Variants in SNX15 observed in about 807,000 individuals in gnomAD.
The protein encoded by SNX15 is sorting nexin 15.
In SNX15, 29 loss-of-function variants were observed where a neutral mutation model predicts 35.2. The ratio of observed to expected loss-of-function variants is 0.82; its 90% CI spans 0.61 to 1.12. The LOEUF (loss-of-function observed/expected upper bound fraction) is 1.12. SNX15 is among the 50% of genes most tolerant of loss of function. The pLI, the probability that SNX15 is intolerant of heterozygous loss-of-function variation, is 0.00. For missense variants in SNX15, 400 were observed against 451.5 expected (o/e 0.89, Z 1.03); for synonymous variants, 189 against 188.2 (o/e 1.00, Z -0.03).
At position 65,034,899 on chromosome 11, in the gene SNX15, G is replaced by T; in HGVS notation, c.309G>T (p.Leu103=). The T allele has an allele frequency of 6.2e-7, 1 of 1,614,072 alleles. No individual in the cohort carries two copies. Among genetic ancestry groups the T allele is most frequent in the Non-Finnish European group, 8.5e-7 (1 of 1,179,964 alleles). ...IEERRKGAED[L]LRFTVHIPAL... The stretch of plus-strand genomic sequence containing the variant: ...AGCGGCGAAAGGGGGCAGAGGACCT[G>T]CTTCGCTTCACTGTGCACATACCTG... Residue 103 remains leucine, a synonymous_variant, in exon 4 of 8, where the codon CTG becomes CTT. Coordinates refer to ENST00000377244, the MANE Select transcript of SNX15 (RefSeq NM_013306.5).
At chr11:65,038,977 T>C in intron 7 of SNX15, 148 bp downstream of exon 7, 1 of 500,570 alleles carries the variant, frequency 2.0e-6, no homozygotes, top group Non-Finnish European at 3.2e-6. Flanking sequence ...TTGTTTCTGT[T>C]TTTTTGTTGT....
intron 1 of SNX15, among the ~76,000 whole-genome samples, chr11:65,030,003 T>G (rs1008651338): frequency 6.6e-6 from 1 of 152,188 alleles, no homozygotes; most frequent in African/African-American, 2.4e-5. Flanking sequence ...TCCTCTTGCC[T>G]CAGCCTCCTG....
rs1229476238 is a variant in SNX15 at position 65,032,426 on chromosome 11, C to T, written c.136-5C>T. On this transcript the variant is annotated splice_region_variant and splice_polypyrimidine_tract_variant and intron_variant, in intron 2 of 7. Coordinates refer to ENST00000377244, the MANE Select transcript of SNX15 (RefSeq NM_013306.5). ...GGTTCTGGGCAAGTCTCATGTACCTCATAGGTGGTGGTCTGGAAGCGGTAC... is the reference window on the plus strand; with the variant it reads ...GGTTCTGGGCAAGTCTCATGTACCTTATAGGTGGTGGTCTGGAAGCGGTAC... 1.2e-6 allele frequency: 2 copies of T among 1,614,032 alleles called. No homozygotes were observed. The highest frequency in any genetic ancestry group is 1.3e-5 in the African/African-American group (1 of 74,936).
rs1176873699 is a variant in SNX15, at chr11:65,040,363, C to T, written c.*571C>T. 3.3e-5 allele frequency: 5 copies of T among 152,234 alleles called. No individual in the cohort carries two copies. Among genetic ancestry groups the T allele is most frequent in the Non-Finnish European group, 5.9e-5 (4 of 68,090 alleles). 9.4% of individuals were successfully genotyped at this position (152,234 alleles called of 1,614,324 possible). On this transcript the variant is annotated 3_prime_UTR_variant, in exon 8 of 8. Coordinates refer to ENST00000377244, the MANE Select transcript of SNX15 (RefSeq NM_013306.5). Reference sequence around the variant, plus strand: ...TGGTCATTAAACCATTAGTTTACCCCTCTAGAACTGGGGTCTGCAAACTCC... The same window carrying T: ...TGGTCATTAAACCATTAGTTTACCCTTCTAGAACTGGGGTCTGCAAACTCC...
Position 65,027,653 on chromosome 11 carries a change from C to G in SNX15, c.99+17C>G. 1.9e-6 allele frequency: 3 copies of G among 1,593,142 alleles called. No homozygotes were observed. Among genetic ancestry groups the G allele is most frequent in the Non-Finnish European group, 2.6e-6 (3 of 1,161,060 alleles). On this transcript the variant is annotated intron_variant, in intron 1 of 7. Coordinates refer to ENST00000377244, the MANE Select transcript of SNX15 (RefSeq NM_013306.5). ...ACCGCGCAGGTGAGGTGGGGCCCAG[C>G]GCGTACTTTACCCTTTTAACTAGAG...
chr11:65,038,431 G>A (rs1278643522), intron 6 of SNX15, 141 bp from the exon 7 acceptor site: 5 of 1,211,886 alleles, frequency 4.1e-6, no homozygotes, highest in East Asian at 2.9e-5. Context: ...ATCCACAGAC[G>A]ACTTCTGGAT....
At position 65,039,955 on chromosome 11, in the gene SNX15, A is replaced by G; in HGVS notation, c.*163A>G. 1 of 561,480 alleles carries G rather than the reference A, an allele frequency of 1.8e-6. No homozygotes were observed. Among genetic ancestry groups the G allele is most frequent in the Admixed American group, 3.1e-5 (1 of 32,636 alleles). 34.8% of individuals were successfully genotyped at this position (561,480 alleles called of 1,614,324 possible). A position where few individuals can be genotyped will look rare whatever the true frequency, so the allele number is the denominator to read the frequency against. ...ATAATGAATTCTTAGCTCCCTGATTACACCTGCCACCTTGGAATCAAGGAC... is the reference window on the plus strand; with the variant it reads ...ATAATGAATTCTTAGCTCCCTGATTGCACCTGCCACCTTGGAATCAAGGAC... On this transcript the variant is annotated 3_prime_UTR_variant, in exon 8 of 8. Coordinates refer to ENST00000377244, the MANE Select transcript of SNX15 (RefSeq NM_013306.5).
In SNX15 at chr11:65,039,916, C is replaced by A. The variant is rs1319685807; in HGVS notation, c.*124C>A. The A allele has an allele frequency of 5.0e-6, 3 of 603,344 alleles. No individual in the cohort carries two copies. Among genetic ancestry groups the A allele is most frequent in the Non-Finnish European group, 9.0e-6 (3 of 333,228 alleles). The allele number at this position is 603,344 out of a possible 1,614,324, so 37.4% of individuals were successfully genotyped here. On this transcript the variant is annotated 3_prime_UTR_variant, in exon 8 of 8. Transcript: ENST00000377244. ...GAGCCATTTCTGTAGGTAACTGGAC[C>A]AAGAATGAGAAAAATAATGAATTCT...
rs2136945784 is a variant in SNX15, at chr11:65,039,992, A to AC, written c.*203dup. The stretch of plus-strand genomic sequence containing the variant: ...TTGGAATCAAGGACTCACACTTCTG[A>AC]CCCTGCCTGTCTTTTTGGGGTTTTT... On this transcript the variant is annotated 3_prime_UTR_variant, in exon 8 of 8. Coordinates refer to ENST00000377244, the MANE Select transcript of SNX15 (RefSeq NM_013306.5). 4.1e-6 allele frequency: 2 copies of AC among 484,330 alleles called. No individual in the cohort carries two copies. Among genetic ancestry groups the AC allele is most frequent in the African/African-American group, 3.9e-5 (2 of 51,142 alleles). The allele number at this position is 484,330 out of a possible 1,614,324, so 30.0% of individuals were successfully genotyped here. A position where few individuals can be genotyped will look rare whatever the true frequency, so the allele number is the denominator to read the frequency against.
At position 65,032,183 on chromosome 11, in the gene SNX15, G is replaced by C. The variant is rs1266150000; in HGVS notation, c.115G>C (p.Asp39His). 6.2e-7 allele frequency: 1 copy of C among 1,614,066 alleles called. No homozygotes were observed. Among genetic ancestry groups the C allele is most frequent in the Non-Finnish European group, 8.5e-7 (1 of 1,180,018 alleles). ...KVTAQFISKK[D>H]PEDVKEVVVW... ...TCTTTCTCAGTTCATCTCAAAGAAG[G>C]ACCCAGAGGATGTCAAAGAGGTGAG... Residue 39 changes from aspartate (D) to histidine (H), a missense_variant, in exon 2 of 8, where the codon GAC becomes CAC. Coordinates refer to ENST00000377244, the MANE Select transcript of SNX15 (RefSeq NM_013306.5).
chr11:65,031,259 A>T (rs553976340), intron 1 of SNX15, among the ~76,000 whole-genome samples: 2 of 152,206 alleles, frequency 1.3e-5, no homozygotes, highest in Non-Finnish European at 2.9e-5. Flanking sequence ...CCTGGACTTA[A>T]GTGCTCTGCC....
intron 3 of SNX15, among the ~76,000 whole-genome samples, chr11:65,033,311 G>A (rs1198005449): frequency 4.6e-5 from 7 of 152,158 alleles, no homozygotes; most frequent in East Asian, 1.9e-4. Flanking sequence ...TTGGGAGGCC[G>A]AGGCAAGCGA....
chr11:65,029,243 TC>T (rs560742418), intron 1 of SNX15, among the ~76,000 whole-genome samples: 371 of 151,168 alleles, frequency 2.5e-3, no homozygotes, highest in Non-Finnish European at 4.3e-3. Flanking sequence ...ACTGCAAACT[TC>T]CGTCGCCCGG....
intron 3 of SNX15, among the ~76,000 whole-genome samples, chr11:65,034,157 G>A (rs564356788): frequency 5.0e-4 from 76 of 152,232 alleles, no homozygotes; most frequent in Middle Eastern, 3.4e-3. Context: ...ACTGTGGCTC[G>A]CACCTGTAAT....
In SNX15 at chr11:65,040,054, T is replaced by G. The variant is rs1212714370; in HGVS notation, c.*262T>G. Reference sequence around the variant, plus strand: ...TCTCGCTGTGTCGCCCAGACTGGAGTGCAGTGGTGGGATCGCGGCTCACTG... The same window carrying G: ...TCTCGCTGTGTCGCCCAGACTGGAGGGCAGTGGTGGGATCGCGGCTCACTG... On this transcript the variant is annotated 3_prime_UTR_variant, in exon 8 of 8. Transcript: ENST00000377244. 2.5e-6 allele frequency: 1 copy of G among 399,174 alleles called. No homozygotes were observed. Among genetic ancestry groups the G allele is most frequent in the East Asian group, 4.5e-5 (1 of 22,416 alleles). The allele number at this position is 399,174 out of a possible 1,614,324, so 24.7% of individuals were successfully genotyped here. A position where few individuals can be genotyped will look rare whatever the true frequency, so the allele number is the denominator to read the frequency against.
rs1946387038 is a variant in SNX15, at chr11:65,027,616, GAGTACAA to G, written c.84_90del (p.Tyr28Ter). On this transcript the variant is annotated frameshift_variant, in exon 1 of 8. Transcript: ENST00000377244. LOFTEE classifies it high-confidence loss of function. ...CAGGACTCACCCCAAGGGCTACACCGAGTACAAAGTAACCGCGCAGGTGAGGTGGGGC... is the reference window on the plus strand; with the variant it reads ...CAGGACTCACCCCAAGGGCTACACCGAGTAACCGCGCAGGTGAGGTGGGGC... The G allele has an allele frequency of 6.2e-7, 1 of 1,613,688 alleles. No individual in the cohort carries two copies. Among genetic ancestry groups the G allele is most frequent in the African/African-American group, 1.3e-5 (1 of 74,914 alleles).
chr11:65,034,386 A>G (rs1183491956), intron 3 of SNX15, among the ~76,000 whole-genome samples: 1 of 152,216 alleles, frequency 6.6e-6, no homozygotes, highest in Non-Finnish European at 1.5e-5. Context: ...GTGCCACTGC[A>G]CACCAGCCTG....
chr11:65,027,775 G>C (rs2136922305), intron 1 of SNX15, 139 bp downstream of exon 1: 2 of 661,938 alleles, frequency 3.0e-6, no homozygotes, highest in East Asian at 2.8e-5. Context: ...GTTGCAGTAC[G>C]AGGCTTAGTT....
At chr11:65,035,956 A>C (rs538211968) in intron 6 of SNX15, 1 of 328,886 alleles carries the variant, frequency 3.0e-6, no homozygotes, top group Admixed American at 4.7e-5. Flanking sequence ...GAGCCGGGTC[A>C]CACTGCTCTG....
Sources: allele counts gnomAD v4.1 joint callset (sites outside exome capture counted in the v4.1 genomes callset), GRCh38; gene constraint gnomAD v4.1.1; transcripts MANE v1.5; gene names NCBI Gene and HGNC (gene_info 2026-07-23, HGNC 2026-07-21).